CDK14: variants seen among roughly 807,000 people sequenced by gnomAD.
CDK14 encodes cyclin dependent kinase 14, also known as cyclin-dependent kinase 14.
A neutral mutation model predicts 60.7 loss-of-function variants in CDK14; 34 were observed. That is an observed-to-expected ratio of 0.56 (90% CI 0.43 to 0.75). The LOEUF (loss-of-function observed/expected upper bound fraction) is 0.75. CDK14 is among the 30% of genes least tolerant of loss of function. The probability of loss-of-function intolerance (pLI) is 0.00; values close to 1 mark genes in which losing one functional copy is unlikely to be tolerated. For missense variants in CDK14, 482 were observed against 564.1 expected (o/e 0.85, Z 1.47); for synonymous variants, 197 against 203.7 (o/e 0.97, Z 0.28).
intron 5 of CDK14, among the ~76,000 whole-genome samples, chr7:90,823,489 G>T (rs544802869): frequency 2.0e-5 from 3 of 152,152 alleles, no homozygotes; most frequent in Non-Finnish European, 4.4e-5. Context: ...TGGCACAAAG[G>T]CTTCCGGCAC....
chr7:91,192,854 C>T (rs191592325), intron 14 of CDK14, among the ~76,000 whole-genome samples: 2 of 152,264 alleles, frequency 1.3e-5, no homozygotes, highest in African/African-American at 4.8e-5. Flanking sequence ...CCCAAACTCT[C>T]GGGATCATCT....
intron 2 of CDK14, among the ~76,000 whole-genome samples, chr7:90,636,269 G>A (rs895772513): frequency 1.3e-4 from 20 of 152,092 alleles, no homozygotes; most frequent in African/African-American, 4.6e-4. Flanking sequence ...TTGGCTGTGG[G>A]TTTGTCATAG....
intron 6 of CDK14, among the ~76,000 whole-genome samples, chr7:90,882,981 C>G (rs1019003855): frequency 2.6e-5 from 4 of 151,978 alleles, no homozygotes; most frequent in African/African-American, 9.7e-5. Flanking sequence ...ATGCTCGCAT[C>G]AGAAAGCTAG....
At chr7:90,758,996 CA>C (rs1562756250) in intron 4 of CDK14, among the ~76,000 whole-genome samples, 6 of 147,292 alleles carry the variant, frequency 4.1e-5, no homozygotes, top group African/African-American at 1.5e-4. Flanking sequence ...GCAGAGGTTG[CA>C]GTGAGTCGAG....
At position 90,768,826 on chromosome 7, in the gene CDK14, G is replaced by A. The variant is rs1777749009; in HGVS notation, c.464+21051G>A. ...TGATATGTTTCCTTTAAAAATTTGT[G>A]TATTTGAAAACAAAGATAAAATGAA... On this transcript the variant is annotated intron_variant, in intron 4 of 14. Coordinates refer to ENST00000380050, the MANE Select transcript of CDK14 (RefSeq NM_001287135.2). Among the ~76,000 whole-genome samples, 3 of 152,226 alleles carry A rather than the reference G, an allele frequency of 2.0e-5. No individual in the cohort carries two copies. The South Asian group carries it at 6.2e-4, about 32-fold the overall frequency.
At chr7:91,137,710 G>A (rs796598102) in intron 14 of CDK14, among the ~76,000 whole-genome samples, 1,490 of 144,654 alleles carry the variant, frequency 0.01, 23 homozygotes, top group East Asian at 0.035. Flanking sequence ...GTGTGTGTGT[G>A]TGTGTATGTG....
At chr7:90,942,951 A>C (rs537661082) in intron 8 of CDK14, among the ~76,000 whole-genome samples, 201 of 152,252 alleles carry the variant, frequency 1.3e-3, no homozygotes, top group Non-Finnish European at 2.1e-3. Flanking sequence ...CTTTGAAATG[A>C]GTATTTTTAT....
intron 14 of CDK14, among the ~76,000 whole-genome samples, chr7:91,145,971 A>G (rs1315161206): frequency 6.6e-6 from 1 of 151,642 alleles, no homozygotes; most frequent in Non-Finnish European, 1.5e-5. Flanking sequence ...ATGTCAAGGC[A>G]TCACAGATTA....
intron 8 of CDK14, among the ~76,000 whole-genome samples, chr7:90,937,092 CAAAT>C (rs910386364): frequency 2.6e-5 from 4 of 151,914 alleles, no homozygotes; most frequent in Non-Finnish European, 4.4e-5. Context: ...AAAAATAAAT[CAAAT>C]AAATAAATAA....
chr7:90,662,506 A>C lies in CDK14; in HGVS notation c.123+58257A>C, dbSNP rs1800884303. ...CATTTGAATACTTCATTGGCATGATAGTGGAATAATGCTTATGGAATAATT... is the reference window on the plus strand; with the variant it reads ...CATTTGAATACTTCATTGGCATGATCGTGGAATAATGCTTATGGAATAATT... On this transcript the variant is annotated intron_variant, in intron 2 of 14. Transcript: ENST00000380050. Among the ~76,000 whole-genome samples, 3 of 152,248 alleles carry C rather than the reference A, an allele frequency of 2.0e-5. No individual in the cohort carries two copies. In the South Asian group the frequency reaches 6.2e-4, roughly 32 times the overall value.
At chr7:90,995,748 G>A (rs1250272915) in intron 10 of CDK14, among the ~76,000 whole-genome samples, 1 of 149,410 alleles carries the variant, frequency 6.7e-6, no homozygotes, top group Non-Finnish European at 1.5e-5. Flanking sequence ...TTGTCTTTTT[G>A]TTTGGTTGTT....
At chr7:90,885,508 G>T (rs562642579) in intron 6 of CDK14, among the ~76,000 whole-genome samples, 13 of 152,286 alleles carry the variant, frequency 8.5e-5, no homozygotes, top group South Asian at 2.1e-4. Flanking sequence ...ACAGTGTGGC[G>T]ATTTCTCAGG....
intron 14 of CDK14, among the ~76,000 whole-genome samples, chr7:91,181,328 T>C (rs1395128954): frequency 6.6e-6 from 1 of 152,196 alleles, no homozygotes; most frequent in Admixed American, 6.5e-5. Context: ...TGCATTCCTG[T>C]GGTGTCCTTT....
At chr7:90,806,014 T>C (rs2117020638) in intron 5 of CDK14, among the ~76,000 whole-genome samples, 1 of 152,318 alleles carries the variant, frequency 6.6e-6, no homozygotes, top group South Asian at 2.1e-4. Flanking sequence ...AGTTGATTTT[T>C]AATAAGTTGC....
chr7:90,843,695 G>A (rs543200885), intron 5 of CDK14, among the ~76,000 whole-genome samples: 2 of 152,234 alleles, frequency 1.3e-5, no homozygotes, highest in South Asian at 4.1e-4. Flanking sequence ...TCTGTGCATA[G>A]CAGAGCCAGG....
intron 4 of CDK14, among the ~76,000 whole-genome samples, chr7:90,772,511 C>A (rs763286951): frequency 6.6e-6 from 1 of 152,108 alleles, no homozygotes; most frequent in African/African-American, 2.4e-5. Flanking sequence ...CAGATTTCCC[C>A]GTTGCTGTTC....
intron 12 of CDK14, among the ~76,000 whole-genome samples, chr7:91,093,061 C>A (rs906262331): frequency 3.9e-5 from 6 of 152,154 alleles, no homozygotes; most frequent in African/African-American, 1.2e-4. Context: ...TTAGCACCTG[C>A]CATGTAAGAC....
At chr7:90,787,089 G>A (rs1805616587) in intron 4 of CDK14, among the ~76,000 whole-genome samples, 1 of 152,142 alleles carries the variant, frequency 6.6e-6, no homozygotes, top group Admixed American at 6.6e-5. Flanking sequence ...TAGTTGTTGA[G>A]TGTTGAGACA....
At chr7:90,717,812 G>A (rs183125646) in intron 2 of CDK14, among the ~76,000 whole-genome samples, 2 of 151,970 alleles carry the variant, frequency 1.3e-5, no homozygotes, top group Admixed American at 6.6e-5. Context: ...TTTCATGCCC[G>A]GTCTTTTGTG....
Sources: allele counts gnomAD v4.1 joint callset (sites outside exome capture counted in the v4.1 genomes callset), GRCh38; gene constraint gnomAD v4.1.1; transcripts MANE v1.5; gene names NCBI Gene and HGNC (gene_info 2026-07-23, HGNC 2026-07-21).